The following PRKN variants were observed in gnomAD, a reference collection of about 807,000 sequenced individuals.
PRKN encodes the protein parkin RBR E3 ubiquitin protein ligase, also known as E3 ubiquitin-protein ligase parkin.
PRKN carries 56 observed loss-of-function variants against 59.5 expected under a neutral mutation model. The observed-to-expected ratio is 0.94, with a 90% CI of 0.76 to 1.18. PRKN has a LOEUF of 1.18. Among genes scored for constraint, PRKN ranks in the 50% most tolerant of loss-of-function variants. The pLI is 0.00. For missense variants in PRKN, 657 were observed against 596.4 expected (o/e 1.10, Z -1.06); for synonymous variants, 250 against 222.1 (o/e 1.13, Z -1.12).
At chr6:162,397,856 G>A (rs1371691946) in intron 2 of PRKN, among the ~76,000 whole-genome samples, 1 of 151,978 alleles carries the variant, frequency 6.6e-6, no homozygotes, top group East Asian at 1.9e-4. Context: ...GGCCAATGTA[G>A]TGAAACCCCA....
At chr6:161,569,074 G>A (rs1583239178) in intron 8 of PRKN, among the ~76,000 whole-genome samples, 1 of 152,062 alleles carries the variant, frequency 6.6e-6, no homozygotes, top group East Asian at 1.9e-4. Flanking sequence ...GCATTTATTT[G>A]TTTGCTCATC....
intron 1 of PRKN, among the ~76,000 whole-genome samples, chr6:162,499,113 C>T (rs1195562335): frequency 1.3e-5 from 2 of 152,136 alleles, no homozygotes; most frequent in African/African-American, 4.8e-5. Context: ...TAAGTTCTTT[C>T]CTGATCTGGC....
At chr6:161,838,760 G>A (rs940491105) in intron 6 of PRKN, among the ~76,000 whole-genome samples, 1 of 152,170 alleles carries the variant, frequency 6.6e-6, no homozygotes, top group Admixed American at 6.5e-5. Flanking sequence ...CCTGGGGAGC[G>A]CTGGTCTCTG....
chr6:162,158,712 T>C (rs1782632011), intron 4 of PRKN, among the ~76,000 whole-genome samples: 1 of 152,012 alleles, frequency 6.6e-6, no homozygotes, highest in East Asian at 1.9e-4. Flanking sequence ...ATTACAGGTG[T>C]AAGCCACCGC....
chr6:161,600,290 C>T (rs997583995), intron 7 of PRKN, among the ~76,000 whole-genome samples: 1 of 152,162 alleles, frequency 6.6e-6, no homozygotes, highest in Admixed American at 6.5e-5. Flanking sequence ...AATCCCATCA[C>T]CCTCTCTGAA....
At chr6:161,879,914 C>G (rs186400109) in intron 6 of PRKN, among the ~76,000 whole-genome samples, 5 of 152,160 alleles carry the variant, frequency 3.3e-5, no homozygotes, top group African/African-American at 9.6e-5. Context: ...ATGCCATTTT[C>G]TTCTATTTTC....
chr6:161,691,479 G>A (rs931809578), intron 7 of PRKN, among the ~76,000 whole-genome samples: 8 of 152,232 alleles, frequency 5.3e-5, no homozygotes, highest in Non-Finnish European at 8.8e-5. Flanking sequence ...CTAGGAAGGA[G>A]AATCTACTTA....
chr6:162,404,946 A>T (rs749372962), intron 2 of PRKN, among the ~76,000 whole-genome samples: 9 of 152,182 alleles, frequency 5.9e-5, no homozygotes, highest in Admixed American at 2.0e-4. Flanking sequence ...TCCTTCATAG[A>T]TCTCTATATA....
At chr6:161,807,738 G>T (rs2128212519) in intron 6 of PRKN, among the ~76,000 whole-genome samples, 1 of 152,160 alleles carries the variant, frequency 6.6e-6, no homozygotes, top group Admixed American at 6.5e-5. Context: ...TCCTCCCCTT[G>T]TCTCTCGTCC....
At chr6:162,710,374 AACAC>A (rs138911423) in intron 1 of PRKN, among the ~76,000 whole-genome samples, 78 of 125,296 alleles carry the variant, frequency 6.2e-4, no homozygotes, top group South Asian at 1.6e-3. Flanking sequence ...ACCCCCTACA[AACAC>A]ACACACACAC....
chr6:162,200,997 A>C (rs1784705753), intron 4 of PRKN, 134 bp downstream of exon 4: 3 of 1,012,144 alleles, frequency 3.0e-6, no homozygotes, highest in Non-Finnish European at 4.6e-6. Context: ...GGCTATCATT[A>C]ACTATCACAA....
intron 6 of PRKN, among the ~76,000 whole-genome samples, chr6:161,832,716 C>G (rs1390478099): frequency 6.6e-6 from 1 of 151,912 alleles, no homozygotes; most frequent in Admixed American, 6.6e-5. Flanking sequence ...TGTCTTACAG[C>G]CACACAGTGT....
rs138726217 is a variant in PRKN, at chr6:162,327,597, A to G, written c.172-64832T>C. Among the ~76,000 whole-genome samples, 285 of 130,568 alleles carry G rather than the reference A, an allele frequency of 2.2e-3. 2 individuals carry two copies. Among genetic ancestry groups the G allele is most frequent in the African/African-American group, 7.4e-3 (274 of 36,904 alleles). The allele number at this position is 130,568 out of a possible 152,430, so 85.7% of individuals were successfully genotyped here. On this transcript the variant is annotated intron_variant, in intron 2 of 11. Transcript: ENST00000366898. Reference sequence around the variant, plus strand: ...GACAATGGTTTTCTCTACAGTTTCAATGTTAGGTTTTGAAAATGTTAGGTC... The same window carrying G: ...GACAATGGTTTTCTCTACAGTTTCAGTGTTAGGTTTTGAAAATGTTAGGTC...
At chr6:161,925,286 T>C (rs1026704896) in intron 6 of PRKN, among the ~76,000 whole-genome samples, 3 of 152,200 alleles carry the variant, frequency 2.0e-5, no homozygotes, top group African/African-American at 4.8e-5. Context: ...AAAATGTCTT[T>C]AGAGGTCAGG....
chr6:162,504,528 T>C (rs144963930), intron 1 of PRKN, among the ~76,000 whole-genome samples: 1 of 152,186 alleles, frequency 6.6e-6, no homozygotes, highest in African/African-American at 2.4e-5. Flanking sequence ...GACATCTTGG[T>C]GTACGACAGA....
rs951133730 is a variant in PRKN, at chr6:161,446,594, T to C, written c.1084-59717A>G. Among the ~76,000 whole-genome samples, 1 of 152,196 alleles carries C rather than the reference T, an allele frequency of 6.6e-6. No individual in the cohort carries two copies. The highest frequency in any genetic ancestry group is 1.5e-5 in the Non-Finnish European group (1 of 68,030). On this transcript the variant is annotated intron_variant, in intron 9 of 11. Coordinates refer to ENST00000366898, the MANE Select transcript of PRKN (RefSeq NM_004562.3). This position sits in a 1 kb window ranked among gnomAD's most constrained non-coding sequence, Gnocchi z 6.2. The stretch of plus-strand genomic sequence containing the variant: ...TTCCTGGAGCAATCTATTTTTAACC[T>C]TGTTAACCTGAACTGTACTTTAAGA...
rs1012474476 is a variant in PRKN, at chr6:162,490,249, C to T, written c.8-46776G>A. Among the ~76,000 whole-genome samples the T allele has an allele frequency of 3.3e-5, 5 of 152,240 alleles. No homozygotes were observed. In the East Asian group the frequency reaches 7.7e-4, roughly 24 times the overall value. ...TCATTTGTCGGGGGGAAAAAGTGTG[C>T]TTTTTCTTTTCAAAGTCTACCCTTT... is the stretch of plus-strand genomic sequence containing the variant. On this transcript the variant is annotated intron_variant, in intron 1 of 11. Transcript: ENST00000366898.
Position 161,410,974 on chromosome 6 carries a change from G to A in PRKN, c.1084-24097C>T, listed in dbSNP as rs899481973. On this transcript the variant is annotated intron_variant, in intron 9 of 11. Coordinates refer to ENST00000366898, the MANE Select transcript of PRKN (RefSeq NM_004562.3). The surrounding 1 kb of genome is among the most constrained non-coding windows in gnomAD (Gnocchi z 5.3). ...ATCCTGAAACCGGTTTCCTCAGGTG[G>A]AAGGAAGGCAGTTGACTCATCCTGC... Among the ~76,000 whole-genome samples, 2 of 152,160 alleles carry A rather than the reference G, an allele frequency of 1.3e-5. No homozygotes were observed. Among genetic ancestry groups the A allele is most frequent in the South Asian group, 4.1e-4 (2 of 4,830 alleles).
At chr6:161,438,350 T>C (rs1477930796) in intron 9 of PRKN, among the ~76,000 whole-genome samples, 2 of 151,428 alleles carry the variant, frequency 1.3e-5, no homozygotes, top group African/African-American at 4.9e-5. Context: ...CCTGAGGAGC[T>C]AGAACTACAG....
Sources: allele counts gnomAD v4.1 joint callset (sites outside exome capture counted in the v4.1 genomes callset), GRCh38; gene constraint gnomAD v4.1.1; non-coding constraint Gnocchi (gnomAD v3.1); transcripts MANE v1.5; gene names NCBI Gene and HGNC (gene_info 2026-07-23, HGNC 2026-07-21).